Variants in IL34 observed in about 807,000 individuals in gnomAD.
IL34 encodes interleukin-34.
A neutral mutation model predicts 25.3 loss-of-function variants in IL34; 17 were observed. That is an observed-to-expected ratio of 0.67 (90% CI 0.46 to 1.01). IL34 has a LOEUF of 1.01. Ranked by LOEUF, IL34 falls within the 50% of genes least tolerant of loss-of-function variation. The pLI, the probability that IL34 is intolerant of heterozygous loss-of-function variation, is 0.00. For synonymous variants in IL34, 174 were observed against 140.9 expected (o/e 1.23, Z -1.66); for missense variants, 368 against 312.9 (o/e 1.18, Z -1.33).
intron 1 of IL34, among the ~76,000 whole-genome samples, chr16:70,583,176 G>A (rs1439097613): frequency 1.3e-5 from 2 of 152,126 alleles, no homozygotes; most frequent in African/African-American, 2.4e-5. Context: ...GCAGTGTCCC[G>A]ATTTCAGCTC....
chr16:70,627,139 A>G (rs2051411346), intron 1 of IL34, among the ~76,000 whole-genome samples: 1 of 152,096 alleles, frequency 6.6e-6, no homozygotes, highest in African/African-American at 2.4e-5. Flanking sequence ...TAAAAAATAT[A>G]TTTTAATATA....
chr16:70,650,387 C>T (rs759645281), intron 1 of IL34, among the ~76,000 whole-genome samples: 10 of 152,142 alleles, frequency 6.6e-5, no homozygotes, highest in Non-Finnish European at 1.0e-4. Context: ...GACAGGGTTT[C>T]CAGGGCAGCT....
intron 1 of IL34, among the ~76,000 whole-genome samples, chr16:70,608,209 A>G (rs1411493264): frequency 7.5e-5 from 11 of 145,874 alleles, no homozygotes; most frequent in Non-Finnish European, 1.5e-5. Context: ...GCTCACTGCA[A>G]CCTCTGACTC....
At chr16:70,633,599 A>T (rs2051569315) in intron 1 of IL34, among the ~76,000 whole-genome samples, 1 of 152,164 alleles carries the variant, frequency 6.6e-6, no homozygotes, top group East Asian at 1.9e-4. Flanking sequence ...GGTGGGTGGT[A>T]TAGTAGTTTC....
chr16:70,650,958 C>T (rs57752020), intron 1 of IL34, among the ~76,000 whole-genome samples: 39,971 of 152,166 alleles, frequency 0.26, 5,589 homozygotes, highest in South Asian at 0.43. Flanking sequence ...CGCCTGTAAT[C>T]CCAGCACTTT....
intron 1 of IL34, among the ~76,000 whole-genome samples, chr16:70,618,563 C>A (rs535498339): frequency 6.6e-6 from 1 of 152,136 alleles, no homozygotes; most frequent in African/African-American, 2.4e-5. Context: ...CAGCGGCAGC[C>A]GCTGCACGCA....
At chr16:70,635,831 G>A (rs558030944) in intron 1 of IL34, among the ~76,000 whole-genome samples, 1 of 152,098 alleles carries the variant, frequency 6.6e-6, no homozygotes, top group Non-Finnish European at 1.5e-5. Context: ...AAGATAGCAT[G>A]TACTGTATGC....
At chr16:70,659,274 G>A (rs1407066076) in intron 4 of IL34, among the ~76,000 whole-genome samples, 1 of 152,238 alleles carries the variant, frequency 6.6e-6, no homozygotes, top group Non-Finnish European at 1.5e-5. Flanking sequence ...CTTCTTGAGG[G>A]ACAGTTTTCC....
In IL34 at chr16:70,659,723, C is replaced by T. The variant is rs142214904; in HGVS notation, c.508C>T (p.Arg170Trp). The T allele has an allele frequency of 9.3e-5, 150 of 1,607,396 alleles. No homozygotes were observed. In the East Asian group the frequency reaches 2.7e-3, roughly 29 times the overall value. Reference protein sequence around the residue: ...RPKALLDNCFRVMELLYCSCC... With the variant: ...RPKALLDNCFWVMELLYCSCC... ...CAAAGCCCTGCTGGACAACTGCTTC[C>T]GGGTCATGGAGCTGCTGTACTGCTC... The change falls in exon 5 of 6, where the codon CGG (arginine) becomes TGG (tryptophan). Residue 170 changes from arginine (R) to tryptophan (W), a missense_variant. By Grantham distance (101) the Arg-to-Trp change is moderately radical. Coordinates refer to ENST00000288098, the MANE Select transcript of IL34 (RefSeq NM_001393494.1).
chr16:70,611,085 C>A (rs985772812), intron 1 of IL34, among the ~76,000 whole-genome samples: 12 of 152,150 alleles, frequency 7.9e-5, no homozygotes, highest in Non-Finnish European at 1.5e-4. Flanking sequence ...TTCAGGCAGT[C>A]CTCCCGCCTC....
chr16:70,624,001 C>A (rs913150362), intron 1 of IL34, among the ~76,000 whole-genome samples: 1 of 149,516 alleles, frequency 6.7e-6, no homozygotes, highest in Non-Finnish European at 1.5e-5. Context: ...ACTCGAAGCT[C>A]GGCGTCTGTG....
upstream of IL34, among the ~76,000 whole-genome samples, chr16:70,642,294 CTTT>C (rs531744889): frequency 1.7e-5 from 2 of 116,934 alleles, no homozygotes. Flanking sequence ...ACTCTGATGT[CTTT>C]TTTTTTTTTT....
intron 1 of IL34, among the ~76,000 whole-genome samples, chr16:70,632,733 A>G (rs1597760931): frequency 6.6e-6 from 1 of 152,238 alleles, no homozygotes; most frequent in Non-Finnish European, 1.5e-5. Context: ...CAGATGAGCA[A>G]GAAGGGAGAG....
intron 1 of IL34, among the ~76,000 whole-genome samples, chr16:70,628,786 CTT>C (rs71387533): frequency 3.3e-4 from 38 of 115,128 alleles, no homozygotes; most frequent in Admixed American, 8.5e-4. Context: ...CACACCTGGT[CTT>C]TTTTTTTTTT....
chr16:70,641,054 T>C (rs899764996), intron 1 of IL34, among the ~76,000 whole-genome samples: 4 of 152,104 alleles, frequency 2.6e-5, no homozygotes, highest in Non-Finnish European at 4.4e-5. Context: ...GGCAGATCAC[T>C]TGAGGTCAGA....
chr16:70,624,933 G>A (rs533875784), intron 1 of IL34, among the ~76,000 whole-genome samples: 2 of 151,894 alleles, frequency 1.3e-5, no homozygotes, highest in African/African-American at 2.4e-5. Flanking sequence ...AAAGAAGGAA[G>A]ATTTGGTACG....
chr16:70,621,049 G>T (rs990097190), intron 1 of IL34, among the ~76,000 whole-genome samples: 1 of 152,120 alleles, frequency 6.6e-6, no homozygotes, highest in Non-Finnish European at 1.5e-5. Flanking sequence ...AGAGATAAGA[G>T]TTTGGGTGTG....
intron 1 of IL34, among the ~76,000 whole-genome samples, chr16:70,637,842 C>T (rs1180028200): frequency 6.6e-6 from 1 of 152,128 alleles, no homozygotes; most frequent in East Asian, 1.9e-4. Flanking sequence ...AATTATTTTG[C>T]TATGCTCTAT....
At chr16:70,580,860 C>T (rs1224996467) in intron 1 of IL34, among the ~76,000 whole-genome samples, 1 of 150,872 alleles carries the variant, frequency 6.6e-6, no homozygotes, top group African/African-American at 2.4e-5. Context: ...GTAAGTCTTT[C>T]TCATGCAGGT....
Sources: gnomAD v4.1 joint callset for allele counts (sites outside exome capture counted in the v4.1 genomes callset) on GRCh38, gnomAD v4.1.1 for gene constraint, MANE v1.5 for transcripts, NCBI Gene and HGNC (gene_info 2026-07-23, HGNC 2026-07-21) for gene names.